Variants in COLEC12 observed in about 807,000 individuals in gnomAD.
COLEC12 encodes the protein collectin subfamily member 12.
In COLEC12, 33 loss-of-function variants were observed where a neutral mutation model predicts 71.1. The ratio of observed to expected loss-of-function variants is 0.46; its 90% confidence interval spans 0.35 to 0.62. The LOEUF is 0.62. Among genes scored for constraint, COLEC12 ranks in the 20% least tolerant of loss-of-function variants. The probability of loss-of-function intolerance (pLI) is 0.00; values close to 1 mark genes in which losing one functional copy is unlikely to be tolerated. For synonymous variants in COLEC12, 350 were observed against 353.0 expected (o/e 0.99, Z 0.10); for missense variants, 765 against 916.1 (o/e 0.84, Z 2.13).
chr18:382,726 C>T (rs1233475422), intron 2 of COLEC12, among the ~76,000 whole-genome samples: 1 of 152,128 alleles, frequency 6.6e-6, no homozygotes, highest in African/African-American at 2.4e-5. Flanking sequence ...GTATAGGTGG[C>T]ACAAAGTGGG....
chr18:425,271 C>A (rs1354042415), intron 2 of COLEC12, among the ~76,000 whole-genome samples: 3 of 152,206 alleles, frequency 2.0e-5, no homozygotes, highest in Non-Finnish European at 2.9e-5. Flanking sequence ...GGAGAGCCGG[C>A]CTACTGGAAG....
intron 2 of COLEC12, among the ~76,000 whole-genome samples, chr18:440,849 A>G (rs1387721433): frequency 6.6e-6 from 1 of 152,214 alleles, no homozygotes; most frequent in Non-Finnish European, 1.5e-5. Context: ...CCTATAGGAT[A>G]CCTGAGTTTT....
chr18:386,720 C>A (rs1409554128), intron 2 of COLEC12, among the ~76,000 whole-genome samples: 2 of 152,180 alleles, frequency 1.3e-5, no homozygotes, highest in Admixed American at 6.5e-5. Flanking sequence ...CCAGGCAGAC[C>A]TGAATTTGGA....
At chr18:486,943 A>T (rs1917529830) in intron 1 of COLEC12, among the ~76,000 whole-genome samples, 1 of 152,206 alleles carries the variant, frequency 6.6e-6, no homozygotes, top group Admixed American at 6.5e-5. Flanking sequence ...AAGTTACCAT[A>T]CAATCCAGCA....
intron 2 of COLEC12, among the ~76,000 whole-genome samples, chr18:463,703 A>G (rs1396915060): frequency 6.6e-6 from 1 of 152,016 alleles, no homozygotes; most frequent in Non-Finnish European, 1.5e-5. Context: ...TGTCTTTCGT[A>G]TCTTTCTTCT....
chr18:498,912 C>A (rs1917765040), intron 1 of COLEC12, among the ~76,000 whole-genome samples: 1 of 152,182 alleles, frequency 6.6e-6, no homozygotes, highest in Non-Finnish European at 1.5e-5. Context: ...AGTGCAATAG[C>A]GGTCCTTTAC....
chr18:457,513 G>A (rs1916896565), intron 2 of COLEC12, among the ~76,000 whole-genome samples: 1 of 152,174 alleles, frequency 6.6e-6, no homozygotes, highest in South Asian at 2.1e-4. Flanking sequence ...TATCCCAAAA[G>A]TGGACCCAAA....
At chr18:358,031 G>A (rs1449872219) in intron 2 of COLEC12, among the ~76,000 whole-genome samples, 9 of 152,198 alleles carry the variant, frequency 5.9e-5, no homozygotes, top group East Asian at 1.9e-4. Flanking sequence ...CTGCACATGC[G>A]AGGGATCTAG....
intron 2 of COLEC12, among the ~76,000 whole-genome samples, chr18:373,255 G>A (rs979007949): frequency 6.6e-5 from 10 of 152,204 alleles, no homozygotes; most frequent in Non-Finnish European, 5.9e-5. Context: ...ATTTGATCAC[G>A]TCTCTGACAG....
chr18:322,157 T>C (rs931342016), intron 8 of COLEC12, among the ~76,000 whole-genome samples: 7 of 149,728 alleles, frequency 4.7e-5, no homozygotes, highest in Admixed American at 2.7e-4. Flanking sequence ...TGAGTGTATA[T>C]ATGTGTGTGA....
chr18:458,475 G>A (rs774120303), intron 2 of COLEC12, among the ~76,000 whole-genome samples: 4 of 152,224 alleles, frequency 2.6e-5, no homozygotes, highest in East Asian at 1.9e-4. Context: ...GCACCTGAAC[G>A]ATCCAGGTTG....
chr18:474,134 A>T (rs995479507), intron 2 of COLEC12, among the ~76,000 whole-genome samples: 1 of 152,222 alleles, frequency 6.6e-6, no homozygotes, highest in Non-Finnish European at 1.5e-5. Flanking sequence ...ATGCTGGAGT[A>T]TGGCCGTGTC....
intron 2 of COLEC12, among the ~76,000 whole-genome samples, chr18:403,778 TATC>T (rs1915733049): frequency 6.6e-6 from 1 of 151,946 alleles, no homozygotes; most frequent in Non-Finnish European, 1.5e-5. Flanking sequence ...ATGTCTACAA[TATC>T]TCCATAGCCA....
chr18:319,964 T>G lies in COLEC12; in HGVS notation c.*81A>C. ...CAGTGCTTTTTTTTTTTCAATCTGA[T>G]GAGAAGGTGATGCAATTAGAAAGGA... On this transcript the variant is annotated 3_prime_UTR_variant, in exon 10 of 10. Coordinates refer to ENST00000400256, the MANE Select transcript of COLEC12 (RefSeq NM_130386.3). The G allele has an allele frequency of 6.1e-6, 5 of 816,486 alleles. No individual in the cohort carries two copies. Among genetic ancestry groups the G allele is most frequent in the Non-Finnish European group, 1.0e-5 (5 of 494,100 alleles). 50.6% of individuals were successfully genotyped at this position (816,486 alleles called of 1,614,324 possible). A position where few individuals can be genotyped will look rare whatever the true frequency, so the allele number is the denominator to read the frequency against.
At chr18:443,919 A>G (rs1916595197) in intron 2 of COLEC12, among the ~76,000 whole-genome samples, 1 of 152,016 alleles carries the variant, frequency 6.6e-6, no homozygotes, top group Non-Finnish European at 1.5e-5. Flanking sequence ...CCCACTCTCT[A>G]TCTTGCTCCT....
intron 2 of COLEC12, among the ~76,000 whole-genome samples, chr18:396,169 G>C (rs1365357205): frequency 2.0e-5 from 3 of 152,198 alleles, no homozygotes; most frequent in Non-Finnish European, 2.9e-5. Flanking sequence ...GTTGGGGAAG[G>C]GGAGGATCCC....
At chr18:417,821 C>A (rs1190936639) in intron 2 of COLEC12, among the ~76,000 whole-genome samples, 1 of 152,014 alleles carries the variant, frequency 6.6e-6, no homozygotes, top group East Asian at 1.9e-4. Flanking sequence ...TGGAGACGGA[C>A]AAAATTGGAA....
chr18:330,819 C>A (rs1913958811), intron 8 of COLEC12, among the ~76,000 whole-genome samples: 1 of 149,788 alleles, frequency 6.7e-6, no homozygotes, highest in African/African-American at 2.4e-5. Flanking sequence ...GCAAATGCAA[C>A]TTTGTTTATA....
intron 2 of COLEC12, among the ~76,000 whole-genome samples, chr18:403,526 C>T (rs530021818): frequency 5.9e-5 from 9 of 152,290 alleles, no homozygotes; most frequent in African/African-American, 1.7e-4. Context: ...GACAGAAGAG[C>T]GTGTGAGACA....
Sources: allele counts gnomAD v4.1 joint callset (sites outside exome capture counted in the v4.1 genomes callset), GRCh38; gene constraint gnomAD v4.1.1; transcripts MANE v1.5; gene names NCBI Gene and HGNC (gene_info 2026-07-23, HGNC 2026-07-21).